MTREX: variants seen among roughly 807,000 people sequenced by gnomAD.
MTREX encodes exosome RNA helicase MTR4.
MTREX carries 76 observed loss-of-function variants against 135.4 expected under a neutral mutation model. The ratio of observed to expected loss-of-function variants is 0.56; its 90% CI spans 0.47 to 0.68. The LOEUF is 0.68. MTREX is among the 30% of genes least tolerant of loss of function. MTREX has a pLI of 0.00. For missense variants in MTREX, 920 were observed against 1,262.1 expected (o/e 0.73, Z 4.11); for synonymous variants, 404 against 401.6 (o/e 1.01, Z -0.07).
intron 26 of MTREX, 162 bp downstream of exon 26, chr5:55,423,144 A>C (rs1029095986): frequency 1.7e-6 from 1 of 604,510 alleles, no homozygotes; most frequent in Non-Finnish European, 2.9e-6. Flanking sequence ...GTGTTGGGGG[A>C]AAAGTTGAGA....
At position 55,397,481 on chromosome 5, in the gene MTREX, C is replaced by A. The variant is rs1750663082; in HGVS notation, c.2247C>A (p.Asp749Glu). The A allele has an allele frequency of 6.2e-7, 1 of 1,610,392 alleles. No individual in the cohort carries two copies. Among genetic ancestry groups the A allele is most frequent in the Non-Finnish European group, 8.5e-7 (1 of 1,177,390 alleles). Residue 749 changes from aspartate (D) to glutamate (E), a missense_variant, in exon 20 of 27, where the codon GAC becomes GAA. Coordinates refer to ENST00000230640, the MANE Select transcript of MTREX (RefSeq NM_015360.5). ...GTGTTAGGCTTTACATTCCTAAAGA[C>A]CTTCGGCCGGTGGACAATAGACAGA... Reference protein sequence around the residue: ...ISSVRLYIPKDLRPVDNRQSV... With the variant: ...ISSVRLYIPKELRPVDNRQSV...
In MTREX at chr5:55,328,759, C is replaced by G; in HGVS notation, c.463C>G (p.Gln155Glu). Reference protein sequence around the residue: ...REAIQCVDNNQSVLVSAHTSA... With the variant: ...REAIQCVDNNESVLVSAHTSA... Reference sequence around the variant, plus strand: ...GGCCATTCAGTGTGTTGACAATAATCAGTCTGTTCTAGTATCTGCACATAC... The same window carrying G: ...GGCCATTCAGTGTGTTGACAATAATGAGTCTGTTCTAGTATCTGCACATAC... The change falls in exon 5 of 27, where the codon CAG becomes GAG. Residue 155 changes from glutamine (Q) to glutamate (E), a missense_variant. By Grantham distance (29) the Gln-to-Glu change is conservative. Around this residue, in one of 6 missense-constraint regions of MTREX, gnomAD observed 82 missense variants for 107.4 expected, o/e 0.76. Coordinates refer to ENST00000230640, the MANE Select transcript of MTREX (RefSeq NM_015360.5). The G allele has an allele frequency of 6.2e-7, 1 of 1,613,534 alleles. No individual in the cohort carries two copies. The highest frequency in any genetic ancestry group is 8.5e-7 in the Non-Finnish European group (1 of 1,179,626).
intron 15 of MTREX, among the ~76,000 whole-genome samples, chr5:55,362,470 C>T (rs1328833559): frequency 6.6e-6 from 1 of 152,066 alleles, no homozygotes; most frequent in Non-Finnish European, 1.5e-5. Context: ...AAGTGATTCT[C>T]CTACCTCAGC....
intron 21 of MTREX, among the ~76,000 whole-genome samples, chr5:55,404,692 A>G (rs1226640111): frequency 6.7e-6 from 1 of 150,102 alleles, no homozygotes; most frequent in Non-Finnish European, 1.5e-5. Flanking sequence ...GACTTTTTCT[A>G]CTCTTACAGC....
rs559558531 is a variant in MTREX at position 55,398,191 on chromosome 5, G to GATCAC, written c.2292+671_2292+675dup. Among the ~76,000 whole-genome samples the GATCAC allele has an allele frequency of 2.4e-3, 358 of 151,680 alleles. 1 individual carries two copies. Among genetic ancestry groups the GATCAC allele is most frequent in the Admixed American group, 5.2e-3 (79 of 15,230 alleles). On this transcript the variant is annotated intron_variant, in intron 20 of 26. Transcript: ENST00000230640. ...AGTTCCAGGCTCTACAGTAAGCTGT[G>GATCAC]ATCACATCACTGCACTCTAGCATGT...
chr5:55,312,937 T>G (rs773646834), intron 1 of MTREX, among the ~76,000 whole-genome samples: 1 of 152,228 alleles, frequency 6.6e-6, no homozygotes. Context: ...TAATTTCTTA[T>G]AGTGAGAAAT....
intron 4 of MTREX, 36 bp downstream of exon 4, chr5:55,327,814 G>A (rs145985491): frequency 7.1e-6 from 10 of 1,414,384 alleles, no homozygotes; most frequent in East Asian, 4.6e-5. Context: ...ATATAGTTTC[G>A]TGAGACTCTC....
intron 5 of MTREX, among the ~76,000 whole-genome samples, chr5:55,335,385 A>G (rs1018875048): frequency 6.6e-6 from 1 of 152,088 alleles, no homozygotes. Context: ...GATTTTGCCT[A>G]TCCCAAAATC....
At position 55,321,826 on chromosome 5, in the gene MTREX, C is replaced by T. The variant is rs1172598749; in HGVS notation, c.135-501C>T. On this transcript the variant is annotated intron_variant, in intron 1 of 26. Coordinates refer to ENST00000230640, the MANE Select transcript of MTREX (RefSeq NM_015360.5). ...ATTTTGCCATGCTGTCCAGGCTGGT[C>T]TCTAACTCCCGACCTCAAGTGATCA... Among the ~76,000 whole-genome samples, 46 of 151,986 alleles carry T rather than the reference C, an allele frequency of 3.0e-4. 1 individual carries two copies. Among genetic ancestry groups the T allele is most frequent in the Admixed American group, 3.0e-3 (46 of 15,270 alleles).
intron 16 of MTREX, among the ~76,000 whole-genome samples, chr5:55,373,942 G>A (rs2112093968): frequency 6.6e-6 from 1 of 152,206 alleles, no homozygotes; most frequent in Admixed American, 6.5e-5. Context: ...GGCTTCTTCT[G>A]TGTTAGTTAC....
At position 55,384,946 on chromosome 5, in the gene MTREX, A is replaced by G. The variant is rs553863658; in HGVS notation, c.2053-3028A>G. On this transcript the variant is annotated intron_variant, in intron 18 of 26. Coordinates refer to ENST00000230640, the MANE Select transcript of MTREX (RefSeq NM_015360.5). ...TCTTCTGCAAACTATCTGCTGTACAATTTAGCCTATATCTCCAATGAATAC... is the reference window on the plus strand; with the variant it reads ...TCTTCTGCAAACTATCTGCTGTACAGTTTAGCCTATATCTCCAATGAATAC... 2.6e-5 allele frequency among the ~76,000 whole-genome samples: 4 copies of G among 152,296 alleles called. No individual in the cohort carries two copies. In the South Asian group the frequency reaches 8.3e-4, roughly 32 times the overall value.
chr5:55,325,929 A>G (rs900462326), intron 3 of MTREX, among the ~76,000 whole-genome samples: 6 of 152,150 alleles, frequency 3.9e-5, no homozygotes, highest in Admixed American at 1.3e-4. Flanking sequence ...AGCTGCATCC[A>G]TGTTACTGCA....
In MTREX at chr5:55,399,686, A is replaced by T. The variant is rs185530185; in HGVS notation, c.2293-547A>T. On this transcript the variant is annotated intron_variant, in intron 20 of 26. Coordinates refer to ENST00000230640, the MANE Select transcript of MTREX (RefSeq NM_015360.5). ...GTATTTTTAGTAGAGACGGGGTTTC[A>T]CCGTGTTAGCCAGGATGGTCTCGAT... Among the ~76,000 whole-genome samples the T allele has an allele frequency of 4.6e-3, 694 of 152,016 alleles. 5 individuals are homozygous for T. Among genetic ancestry groups the T allele is most frequent in the African/African-American group, 0.016 (660 of 41,462 alleles).
At chr5:55,420,399 G>A (rs1751035951) in intron 25 of MTREX, among the ~76,000 whole-genome samples, 1 of 152,178 alleles carries the variant, frequency 6.6e-6, no homozygotes, top group Non-Finnish European at 1.5e-5. Flanking sequence ...TTAAATAAAA[G>A]CATATAGTCC....
At chr5:55,422,822 T>A in intron 25 of MTREX, 56 bp from the exon 26 acceptor site, 1 of 1,420,974 alleles carries the variant, frequency 7.0e-7, no homozygotes, top group East Asian at 2.3e-5. Context: ...TTAACAAAAA[T>A]TCTGCTGTTC....
chr5:55,327,803 T>TA, intron 4 of MTREX, 25 bp downstream of exon 4: 1 of 1,537,754 alleles, frequency 6.5e-7, no homozygotes, highest in Non-Finnish European at 8.9e-7. Context: ...TAATACAGTT[T>TA]ATATAGTTTC....
At chr5:55,414,323 G>GTAGTTTA (rs1208839845) in intron 24 of MTREX, 85 bp downstream of exon 24, 1 of 1,069,002 alleles carries the variant, frequency 9.4e-7, no homozygotes, top group Non-Finnish European at 1.3e-6. Flanking sequence ...TCTAATCATA[G>GTAGTTTA]TAGTTTATCA....
At chr5:55,347,423 TA>T (rs1356134489) in intron 11 of MTREX, among the ~76,000 whole-genome samples, 5 of 152,190 alleles carry the variant, frequency 3.3e-5, no homozygotes, top group African/African-American at 7.2e-5. Flanking sequence ...TTTGTTACCG[TA>T]AACTCCTCAG....
chr5:55,339,552 T>G (rs891070081), intron 5 of MTREX, among the ~76,000 whole-genome samples: 4 of 152,230 alleles, frequency 2.6e-5, no homozygotes, highest in Non-Finnish European at 4.4e-5. Context: ...TACCATAATT[T>G]TCAGAGGACT....
Sources: allele counts gnomAD v4.1 joint callset (sites outside exome capture counted in the v4.1 genomes callset), GRCh38; gene constraint gnomAD v4.1.1; regional missense constraint gnomAD v4.1.1; transcripts MANE v1.5; gene names NCBI Gene and HGNC (gene_info 2026-07-23, HGNC 2026-07-21).